NXN: variants seen among roughly 807,000 people sequenced by gnomAD.
NXN encodes the protein nucleoredoxin 1.
NXN carries 16 observed loss-of-function variants against 48.6 expected under a neutral mutation model. The observed-to-expected ratio is 0.33, with a 90% confidence interval of 0.22 to 0.50. The LOEUF is 0.50. NXN is among the 20% of genes least tolerant of loss of function. The pLI, the probability that NXN is intolerant of heterozygous loss-of-function variation, is 0.98. For synonymous variants in NXN, 281 were observed against 269.6 expected, an observed-to-expected ratio of 1.04 and a Z score of -0.41; for missense variants, 492 against 605.5, an observed-to-expected ratio of 0.81 and a Z score of 1.97.
intron 1 of NXN, among the ~76,000 whole-genome samples, chr17:873,072 G>A (rs998471190): frequency 4.6e-5 from 7 of 152,204 alleles, no homozygotes; most frequent in East Asian, 1.9e-4. Context: ...TCTTCCAGCT[G>A]GGACACCCGT....
chr17:853,723 A>ATATTTT (rs1491528474), intron 1 of NXN, among the ~76,000 whole-genome samples: 43 of 105,974 alleles, frequency 4.1e-4, no homozygotes, highest in African/African-American at 1.8e-3. Context: ...ATATATATAT[A>ATATTTT]TTTTTTTTTT....
intron 1 of NXN, among the ~76,000 whole-genome samples, chr17:883,232 G>T (rs755799678): frequency 3.3e-5 from 5 of 152,042 alleles, no homozygotes; most frequent in Non-Finnish European, 2.9e-5. Context: ...AGACAGCGAC[G>T]GTGTCAATCA....
intron 5 of NXN, among the ~76,000 whole-genome samples, chr17:810,035 G>GTGTGAGTGGCATGCACGTTACGAGTCCC (rs1911848737): frequency 7.9e-5 from 8 of 101,646 alleles, no homozygotes; most frequent in African/African-American, 2.3e-4. Context: ...TTAAGAGTCC[G>GTGTGAGTGGCATGCACGTTACGAGTCCC]TGTGAGTGGC....
chr17:897,106 A>G lies in NXN; in HGVS notation c.361-71028T>C, dbSNP rs1442584178. The G allele has an allele frequency of 4.0e-6, 4 of 1,004,468 alleles. No homozygotes were observed. The South Asian group carries it at 7.1e-5, about 18-fold the overall frequency. The allele number at this position is 1,004,468 out of a possible 1,614,324, so 62.2% of individuals were successfully genotyped here. On this transcript the variant is annotated intron_variant, in intron 1 of 7. Coordinates refer to ENST00000336868, the MANE Select transcript of NXN (RefSeq NM_022463.5). Reference sequence around the variant, plus strand: ...TGGTAACCCACGGCCACCGCGCCCAAGAAAATTATTTCCCATGGGAGAAAG... The same window carrying G: ...TGGTAACCCACGGCCACCGCGCCCAGGAAAATTATTTCCCATGGGAGAAAG...
intron 1 of NXN, among the ~76,000 whole-genome samples, chr17:945,339 C>A (rs115069472): frequency 0.012 from 1,811 of 152,146 alleles, 39 homozygotes; most frequent in African/African-American, 0.041. Flanking sequence ...GCCTCGGCGT[C>A]CTAAAGCAGT....
At chr17:979,276 G>C in intron 1 of NXN, 43 bp downstream of exon 1, 1 of 1,372,208 alleles carries the variant, frequency 7.3e-7, no homozygotes, top group Non-Finnish European at 9.5e-7. Flanking sequence ...GGGGTAACGG[G>C]CGTGGGGGGC....
chr17:913,082 T>G (rs2068652684), intron 1 of NXN, among the ~76,000 whole-genome samples: 1 of 152,240 alleles, frequency 6.6e-6, no homozygotes, highest in Admixed American at 6.5e-5. Flanking sequence ...TTCTGGTATT[T>G]TGGACCATAT....
rs140923710 is a variant in NXN at position 805,126 on chromosome 17, C to T, written c.942G>A (p.Glu314=). 3 of 1,610,252 alleles carry T rather than the reference C, an allele frequency of 1.9e-6. No homozygotes were observed. The African/African-American group carries it at 4.0e-5, about 22-fold the overall frequency. ...GCTGCGCGGCGTTGGAGTCGGAGAG[C>T]TCCAGCACGGGCTTGGGGTGCCAGG... ...EFPWHPKPVL[E]LSDSNAAQLN... The change falls in exon 6 of 8, where the codon GAG becomes GAA. Residue 314 remains glutamate, a synonymous_variant. Transcript: ENST00000336868.
intron 1 of NXN, among the ~76,000 whole-genome samples, chr17:879,578 C>T (rs1016827335): frequency 8.6e-5 from 13 of 151,968 alleles, no homozygotes; most frequent in African/African-American, 2.7e-4. Context: ...TGAGCCACCG[C>T]GCCCGGCCAC....
intron 1 of NXN, among the ~76,000 whole-genome samples, chr17:906,569 T>C (rs1044364668): frequency 1.4e-5 from 1 of 73,740 alleles, no homozygotes; most frequent in Admixed American, 2.1e-4. Flanking sequence ...TTTTGGTTTC[T>C]GGGTTTTTTT....
intron 1 of NXN, among the ~76,000 whole-genome samples, chr17:835,305 T>A (rs9904411): frequency 6.9e-6 from 1 of 144,946 alleles, no homozygotes. Context: ...GAGACTCTGT[T>A]TCAAAAAAAA....
rs1911097396 is a variant in NXN, at chr17:799,610, C to G, written c.*1339G>C. ...TGGCCGAAGCCGTCCATCCCCAATC[C>G]TGAGAACAGAGTTGTCTGTTTCTCT... On this transcript the variant is annotated 3_prime_UTR_variant, in exon 8 of 8. Transcript: ENST00000336868. The G allele has an allele frequency of 6.6e-6, 1 of 152,254 alleles. No individual in the cohort carries two copies. The highest frequency in any genetic ancestry group is 6.5e-5 in the Admixed American group (1 of 15,286). 9.4% of individuals were successfully genotyped at this position (152,254 alleles called of 1,614,324 possible). A position where few individuals can be genotyped will look rare whatever the true frequency, so the allele number is the denominator to read the frequency against.
intron 5 of NXN, among the ~76,000 whole-genome samples, chr17:806,866 G>A (rs115510959): frequency 0.013 from 2,000 of 152,126 alleles, 44 homozygotes; most frequent in African/African-American, 0.045. Flanking sequence ...CAGGGAGTGG[G>A]TCCAGAGAGA....
intron 1 of NXN, among the ~76,000 whole-genome samples, chr17:960,930 A>G (rs149231364): frequency 0.026 from 3,919 of 151,176 alleles, 224 homozygotes; most frequent in East Asian, 0.24. Flanking sequence ...GACTACAGGC[A>G]CCCGCCACCA....
Position 932,508 on chromosome 17 carries a change from G to A in NXN, c.360+46811C>T, listed in dbSNP as rs927568702. ...TGAGGCGGCGTTGGGTCCAGTCGTC[G>A]TCTCCTCAGCGAGTAAGGCAGCTTC... On this transcript the variant is annotated intron_variant, in intron 1 of 7. Coordinates refer to ENST00000336868, the MANE Select transcript of NXN (RefSeq NM_022463.5). This position sits in a 1 kb window ranked among gnomAD's most constrained non-coding sequence, Gnocchi z 4.1. Among the ~76,000 whole-genome samples the A allele has an allele frequency of 2.6e-5, 4 of 152,316 alleles. No individual in the cohort carries two copies. Among genetic ancestry groups the A allele is most frequent in the African/African-American group, 7.2e-5 (3 of 41,572 alleles).
At chr17:887,104 T>TG (rs751278396) in intron 1 of NXN, among the ~76,000 whole-genome samples, 22 of 151,488 alleles carry the variant, frequency 1.5e-4, no homozygotes, top group Admixed American at 4.6e-4. Context: ...TCTGTAGAGA[T>TG]GGGGGTCTCA....
intron 1 of NXN, among the ~76,000 whole-genome samples, chr17:864,275 G>A (rs962210859): frequency 6.6e-5 from 10 of 152,200 alleles, no homozygotes; most frequent in African/African-American, 2.2e-4. Flanking sequence ...TAAAAAGTTC[G>A]GAGTAGGGAG....
rs113772047 is a variant in NXN, at chr17:932,939, C to CGCCCAGCCCA, written c.360+46370_360+46379dup. 9.2e-5 allele frequency among the ~76,000 whole-genome samples: 14 copies of CGCCCAGCCCA among 151,900 alleles called. No individual in the cohort carries two copies. Among genetic ancestry groups the CGCCCAGCCCA allele is most frequent in the Non-Finnish European group, 1.6e-4 (11 of 67,928 alleles). ...CTGGGATTCCAGGCGTGAGCCACCG[C>CGCCCAGCCCA]GCCCAGCCCAGCCCGTCCTCTTGAA... On this transcript the variant is annotated intron_variant, in intron 1 of 7. Coordinates refer to ENST00000336868, the MANE Select transcript of NXN (RefSeq NM_022463.5). The surrounding 1 kb of genome is among the most constrained non-coding windows in gnomAD (Gnocchi z 4.1).
At position 849,487 on chromosome 17, in the gene NXN, C is replaced by T. The variant is rs920038726; in HGVS notation, c.361-23409G>A. The stretch of plus-strand genomic sequence containing the variant: ...GGCGGAGGTTGCAGTGAGCTGAGAT[C>T]GCACCACTGCACTCCATCCTGGACG... On this transcript the variant is annotated intron_variant, in intron 1 of 7. Coordinates refer to ENST00000336868, the MANE Select transcript of NXN (RefSeq NM_022463.5). The surrounding 1 kb of genome is among the most constrained non-coding windows in gnomAD (Gnocchi z 4.2). Among the ~76,000 whole-genome samples the T allele has an allele frequency of 1.3e-5, 2 of 151,836 alleles. No homozygotes were observed. The highest frequency in any genetic ancestry group is 2.9e-5 in the Non-Finnish European group (2 of 67,972).
Sources: allele counts gnomAD v4.1 joint callset (sites outside exome capture counted in the v4.1 genomes callset), GRCh38; gene constraint gnomAD v4.1.1; non-coding constraint Gnocchi (gnomAD v3.1); transcripts MANE v1.5; gene names NCBI Gene and HGNC (gene_info 2026-07-23, HGNC 2026-07-21).